FGF13: variants seen among roughly 807,000 people sequenced by gnomAD.
FGF13 encodes the protein fibroblast growth factor 13.
FGF13 carries 2 observed loss-of-function variants against 19.5 expected under a neutral mutation model. The observed-to-expected ratio is 0.10, with a 90% CI of 0.04 to 0.32. The LOEUF (loss-of-function observed/expected upper bound fraction) is 0.32, where lower values mean the gene tolerates loss of function less well. Ranked by LOEUF, FGF13 falls within the 10% of genes least tolerant of loss-of-function variation. The pLI is 1.00. For missense variants in FGF13, 113 were observed against 192.7 expected, an observed-to-expected ratio of 0.59 and a Z score of 2.45; for synonymous variants, 72 against 76.9, an observed-to-expected ratio of 0.94 and a Z score of 0.33.
At chrX:139,040,025 G>C (rs962197773) in intron 1 of FGF13, among the ~76,000 whole-genome samples, 1 of 112,054 alleles carries the variant, frequency 8.9e-6, no homozygotes, top group African/African-American at 3.2e-5. Flanking sequence ...TAATAGTATG[G>C]CCTGAGAGAA....
intron 3 of FGF13, among the ~76,000 whole-genome samples, chrX:138,767,292 TA>T (rs1291961204): frequency 8.9e-6 from 1 of 112,157 alleles, no homozygotes; most frequent in Non-Finnish European, 1.9e-5. Context: ...ATCCAAGATA[TA>T]AAATCCACAT....
rs1364788940 is a variant in FGF13, at chrX:139,075,903, C to T, written c.-113+127513G>A. ...CAGGCCGGACTGCGGACTGCAGTGG[C>T]GCAATCTCGGCTCACTGCAAGCTCC... is the stretch of plus-strand genomic sequence containing the variant. On this transcript the variant is annotated intron_variant, in intron 1 of 2. Coordinates refer to the FGF13 transcript ENST00000421460. Among the ~76,000 whole-genome samples, 2 of 11,955 alleles carry T rather than the reference C, an allele frequency of 1.7e-4. 1 individual carries two copies. Among genetic ancestry groups the T allele is most frequent in the African/African-American group, 4.8e-3 (2 of 420 alleles). The allele number at this position is 11,955 out of a possible 115,157, so 10.4% of individuals were successfully genotyped here.
chrX:139,038,578 G>A (rs2092257959), intron 1 of FGF13, among the ~76,000 whole-genome samples: 1 of 111,449 alleles, frequency 9.0e-6, no homozygotes, highest in South Asian at 3.8e-4. Flanking sequence ...CATTGAACAG[G>A]CCAAGCTCTT....
chrX:139,002,261 CAAACTCACATGTCACA>C (rs1167914823), intron 1 of FGF13, among the ~76,000 whole-genome samples: 1 of 110,844 alleles, frequency 9.0e-6, no homozygotes, highest in Admixed American at 9.6e-5. Context: ...ATGGGTGTAG[CAAACTCACATGTCACA>C]TGTATACCTA....
In FGF13 at chrX:138,912,019, G is replaced by T. The variant is rs920702081; in HGVS notation, c.-112-47369C>A. On this transcript the variant is annotated intron_variant, in intron 1 of 2. Coordinates refer to the FGF13 transcript ENST00000421460. Reference sequence around the variant, plus strand: ...AGCTTTCCTACTATCTTGGAGACTGGTATTTTTATATATCCCAGAAGTAGC... The same window carrying T: ...AGCTTTCCTACTATCTTGGAGACTGTTATTTTTATATATCCCAGAAGTAGC... Among the ~76,000 whole-genome samples, 3 of 111,566 alleles carry T rather than the reference G, an allele frequency of 2.7e-5. No homozygotes were observed. In the Admixed American group the frequency reaches 2.9e-4, roughly 11 times the overall value.
intron 3 of FGF13, among the ~76,000 whole-genome samples, chrX:138,852,293 A>C (rs997270870): frequency 8.9e-6 from 1 of 111,854 alleles, no homozygotes; most frequent in Non-Finnish European, 1.9e-5. Context: ...AGCTGGAGGC[A>C]TCACACTACC....
At chrX:138,847,289 C>T (rs999124750) in intron 3 of FGF13, among the ~76,000 whole-genome samples, 2 of 111,641 alleles carry the variant, frequency 1.8e-5, no homozygotes, top group African/African-American at 6.5e-5. Flanking sequence ...CCCTATCTGA[C>T]AGGGTTTTCG....
intron 1 of FGF13, among the ~76,000 whole-genome samples, chrX:139,016,416 T>A (rs2092153015): frequency 9.0e-6 from 1 of 111,617 alleles, no homozygotes; most frequent in Non-Finnish European, 1.9e-5. Context: ...GCGCTCTTCC[T>A]AGTTCTCTCC....
intron 1 of FGF13, among the ~76,000 whole-genome samples, chrX:138,992,626 T>C (rs1409715302): frequency 9.0e-6 from 1 of 111,097 alleles, no homozygotes; most frequent in African/African-American, 3.3e-5. Flanking sequence ...AATAAATAAT[T>C]GAATAAATAA....
chrX:139,162,494 G>A (rs1472458150), intron 1 of FGF13, among the ~76,000 whole-genome samples: 2 of 112,062 alleles, frequency 1.8e-5, no homozygotes, highest in East Asian at 5.6e-4. Flanking sequence ...AAGATGTCAC[G>A]ACTGAAATAC....
intron 3 of FGF13, among the ~76,000 whole-genome samples, chrX:138,774,516 TGA>T (rs765443326): frequency 9.0e-6 from 1 of 111,701 alleles, no homozygotes; most frequent in African/African-American, 3.3e-5. Context: ...ACATTCAAAC[TGA>T]GAGAGTTTGG....
chrX:138,959,058 T>C (rs142591111), intron 1 of FGF13, among the ~76,000 whole-genome samples: 2,415 of 111,897 alleles, frequency 0.022, 74 homozygotes, highest in African/African-American at 0.074. Flanking sequence ...TCTTGCCTTC[T>C]GCTAGCTTTT....
At chrX:139,188,771 AAAG>A (rs1266736573) in intron 1 of FGF13, among the ~76,000 whole-genome samples, 2 of 112,700 alleles carry the variant, frequency 1.8e-5, no homozygotes, top group Admixed American at 9.4e-5. Flanking sequence ...TTCAAATATA[AAAG>A]AAGCAGATAA....
At chrX:139,087,220 C>T (rs1480420494) in intron 1 of FGF13, among the ~76,000 whole-genome samples, 5 of 110,239 alleles carry the variant, frequency 4.5e-5, no homozygotes, top group Non-Finnish European at 9.5e-5. Context: ...CGCTTGAACC[C>T]GGGAGGCAGA....
intron 1 of FGF13, among the ~76,000 whole-genome samples, chrX:138,736,149 G>A (rs1332262478): frequency 8.9e-6 from 1 of 111,797 alleles, no homozygotes; most frequent in African/African-American, 3.2e-5. Flanking sequence ...TACCCAGGAG[G>A]CACTCACTTC....
At chrX:139,170,678 G>A (rs1001507979) in intron 1 of FGF13, among the ~76,000 whole-genome samples, 4 of 111,274 alleles carry the variant, frequency 3.6e-5, no homozygotes, top group Admixed American at 9.6e-5. Context: ...GCAGCTTAGC[G>A]GCTCCCTCCT....
chrX:138,803,623 G>GC (rs1248902871), intron 3 of FGF13, among the ~76,000 whole-genome samples: 1 of 112,375 alleles, frequency 8.9e-6, no homozygotes, highest in Non-Finnish European at 1.9e-5. Context: ...TAGAGGCCAA[G>GC]CTTATGCATG....
At chrX:138,958,316 G>A (rs774700823) in intron 1 of FGF13, among the ~76,000 whole-genome samples, 2 of 111,938 alleles carry the variant, frequency 1.8e-5, no homozygotes, top group Admixed American at 1.9e-4. Context: ...CTGTTTATAT[G>A]ATGGACTACG....
intron 1 of FGF13, among the ~76,000 whole-genome samples, chrX:138,888,474 T>C (rs914107684): frequency 1.8e-5 from 2 of 110,843 alleles, no homozygotes; most frequent in Non-Finnish European, 3.8e-5. Context: ...AGTGCTCTAC[T>C]GTTGGGTCTT....
Sources: allele counts gnomAD v4.1 joint callset (sites outside exome capture counted in the v4.1 genomes callset), GRCh38; gene constraint gnomAD v4.1.1; transcripts MANE v1.5; gene names NCBI Gene and HGNC (gene_info 2026-07-23, HGNC 2026-07-21).